The following DDB2 variants were observed in gnomAD, a reference collection of about 807,000 sequenced individuals.
The protein encoded by DDB2 is DNA damage-binding protein 2.
DDB2 carries 27 observed loss-of-function variants against 50.5 expected under a neutral mutation model. That is an observed-to-expected ratio of 0.53 (90% CI 0.39 to 0.74). DDB2 has a LOEUF of 0.74. Among genes scored for constraint, DDB2 ranks in the 30% least tolerant of loss-of-function variants. The pLI is 0.00. For synonymous variants in DDB2, 176 were observed against 205.5 expected, an observed-to-expected ratio of 0.86 and a Z score of 1.23; for missense variants, 424 against 545.6, an observed-to-expected ratio of 0.78 and a Z score of 2.22.
At chr11:47,231,185 A>C (rs1953644808) in intron 3 of DDB2, among the ~76,000 whole-genome samples, 1 of 151,804 alleles carries the variant, frequency 6.6e-6, no homozygotes, top group Admixed American at 6.6e-5. Context: ...CGCCTAGTAC[A>C]TAGTAAGCAC....
chr11:47,235,555 A>G lies in DDB2; in HGVS notation c.1023+143A>G. The G allele has an allele frequency of 3.8e-6, 3 of 797,478 alleles. No individual in the cohort carries two copies. In the South Asian group the frequency reaches 4.6e-5, roughly 12 times the overall value. The allele number at this position is 797,478 out of a possible 1,614,324, so 49.4% of individuals were successfully genotyped here. A position where few individuals can be genotyped will look rare whatever the true frequency, so the allele number is the denominator to read the frequency against. ...CCCGAGCACAGAGCATCTCTTACCC[A>G]TTGGCTCTCTCTCTTCCTTTTATCC... On this transcript the variant is annotated intron_variant, in intron 7 of 9. Transcript: ENST00000256996.
chr11:47,215,320 G>C (rs1003569897), intron 1 of DDB2, 57 bp downstream of exon 1: 1 of 1,611,004 alleles, frequency 6.2e-7, no homozygotes, highest in Non-Finnish European at 8.5e-7. Flanking sequence ...TCGCGCAGGA[G>C]GCTGCAGCGG....
At chr11:47,232,329 T>C (rs183716322) in intron 3 of DDB2, among the ~76,000 whole-genome samples, 49 of 145,318 alleles carry the variant, frequency 3.4e-4, no homozygotes, top group Non-Finnish European at 6.5e-4. Flanking sequence ...CTCAAAAACA[T>C]AAAAATAAAA....
At chr11:47,229,753 T>G (rs1224872116) in intron 3 of DDB2, 1 of 410,806 alleles carries the variant, frequency 2.4e-6, no homozygotes, top group Non-Finnish European at 4.7e-6. Context: ...TGCAGATTCC[T>G]TTTACATTTT....
At chr11:47,222,029 G>A (rs1187440307) in intron 3 of DDB2, among the ~76,000 whole-genome samples, 1 of 152,140 alleles carries the variant, frequency 6.6e-6, no homozygotes, top group African/African-American at 2.4e-5. Flanking sequence ...AATTCCATGA[G>A]TTTTGACATA....
In DDB2 at chr11:47,216,798, T is replaced by C. The variant is rs1373729005; in HGVS notation, c.265-60T>C. 3.3e-5 allele frequency: 51 copies of C among 1,550,842 alleles called. 2 individuals are homozygous for C. In the South Asian group the frequency reaches 4.5e-4, roughly 14 times the overall value. On this transcript the variant is annotated intron_variant, in intron 2 of 9. Transcript: ENST00000256996. The stretch of plus-strand genomic sequence containing the variant: ...GGCTCATCCATGAAGGAGGCAGAGA[T>C]TGGCAGTTTACCCAGAACTTGGGTT...
At chr11:47,225,086 TG>T (rs1953538017) in intron 3 of DDB2, among the ~76,000 whole-genome samples, 1 of 151,776 alleles carries the variant, frequency 6.6e-6, no homozygotes, top group African/African-American at 2.4e-5. Flanking sequence ...ATTACAAGTG[TG>T]CACCACCACG....
chr11:47,238,310 G>A, intron 9 of DDB2, 127 bp downstream of exon 9: 1 of 844,240 alleles, frequency 1.2e-6, no homozygotes, highest in East Asian at 2.6e-5. Flanking sequence ...GAAGATGGCT[G>A]GGAGACAGTG....
intron 3 of DDB2, among the ~76,000 whole-genome samples, chr11:47,230,832 A>C (rs1953636455): frequency 6.6e-6 from 1 of 152,204 alleles, no homozygotes; most frequent in Non-Finnish European, 1.5e-5. Context: ...TTCTTAAAAC[A>C]GTGCCTGACT....
At chr11:47,238,080 C>G in intron 8 of DDB2, 58 bp from the exon 9 acceptor site, 1 of 1,610,964 alleles carries the variant, frequency 6.2e-7, no homozygotes, top group Non-Finnish European at 8.5e-7. Flanking sequence ...GACCAGAAAT[C>G]AGGTGTCTCT....
At chr11:47,231,049 GGTGGA>G (rs1055377251) in intron 3 of DDB2, among the ~76,000 whole-genome samples, 15 of 149,374 alleles carry the variant, frequency 1.0e-4, no homozygotes, top group African/African-American at 3.7e-4. Flanking sequence ...GAATCCAGGA[GGTGGA>G]GGCTGCAGTG....
Position 47,233,011 on chromosome 11 carries a change from C to T in DDB2, c.602+52C>T, listed in dbSNP as rs116818583. On this transcript the variant is annotated intron_variant, in intron 4 of 9. Transcript: ENST00000256996. ...GGGCTTCTAAGCTTAGGTGTAGTTC[C>T]GGCAAGAGCATCCAGATCCCATTTC... 9.0e-5 allele frequency: 144 copies of T among 1,596,094 alleles called. No individual in the cohort carries two copies. The African/African-American group carries it at 1.7e-3, about 19-fold the overall frequency.
chr11:47,235,474 T>C (rs1953713231), intron 7 of DDB2, 62 bp downstream of exon 7: 1 of 1,560,838 alleles, frequency 6.4e-7, no homozygotes, highest in Non-Finnish European at 8.7e-7. Flanking sequence ...GGAGCAGGTC[T>C]GCCCACAGTG....
At position 47,215,207 on chromosome 11, in the gene DDB2, G is replaced by A; in HGVS notation, c.71G>A (p.Ser24Asn). ...GTATTACGCCCCAGGAACAAGAGGA[G>A]CAGGAGTCCCCTGGAGCTGGAGCCC... is the stretch of plus-strand genomic sequence containing the variant. ...EIVLRPRNKRSRSPLELEPEA... is the reference protein window; with the variant it reads ...EIVLRPRNKRNRSPLELEPEA... Residue 24 changes from serine (S) to asparagine (N), a missense_variant, in exon 1 of 10, where the codon AGC becomes AAC. Ser to Asn is a conservative substitution (Grantham distance 46, BLOSUM62 1). Coordinates refer to ENST00000256996, the MANE Select transcript of DDB2 (RefSeq NM_000107.3). 1 of 1,614,072 alleles carries A rather than the reference G, an allele frequency of 6.2e-7. No individual in the cohort carries two copies.
intron 9 of DDB2, among the ~76,000 whole-genome samples, chr11:47,238,562 C>T (rs777808727): frequency 6.6e-6 from 1 of 152,132 alleles, no homozygotes; most frequent in South Asian, 2.1e-4. Flanking sequence ...CCACGCCCAG[C>T]TAATTTTTTG....
rs141990819 is a variant in DDB2, at chr11:47,216,338, C to G, written c.130C>G (p.Pro44Ala). 6.2e-7 allele frequency: 1 copy of G among 1,614,106 alleles called. No homozygotes were observed. The highest frequency in any genetic ancestry group is 1.7e-5 in the Admixed American group (1 of 60,002). Residue 44 changes from proline to alanine, a missense_variant and splice_region_variant, in exon 2 of 10, where the codon CCT becomes GCT. By Grantham distance (27) the Pro-to-Ala change is conservative (BLOSUM62 -1). Transcript: ENST00000256996. ...AATATGTCTGTTCTGCTTGGCAGGT[C>G]CTAGCAGAAGATGTGACTCAGACTG... ...AKKLCAKGSG[P>A]SRRCDSDCLW...
chr11:47,216,249 G>T (rs769864556), intron 1 of DDB2, 87 bp from the exon 2 acceptor site: 1 of 1,599,920 alleles, frequency 6.3e-7, no homozygotes, highest in African/African-American at 1.3e-5. Context: ...TAACCGTGCC[G>T]AATGAAACAA....
chr11:47,228,970 A>AAG (rs1431514120), intron 3 of DDB2, among the ~76,000 whole-genome samples: 1 of 37,288 alleles, frequency 2.7e-5, no homozygotes, highest in Non-Finnish European at 1.0e-4. Flanking sequence ...AAAAAAAAAA[A>AAG]AAAGAAATAT....
At chr11:47,222,601 C>T (rs1316126761) in intron 3 of DDB2, among the ~76,000 whole-genome samples, 1 of 152,236 alleles carries the variant, frequency 6.6e-6, no homozygotes, top group Non-Finnish European at 1.5e-5. Context: ...CTGCCTTAGC[C>T]TCCCAAAGTG....
Sources: gnomAD v4.1 joint callset for allele counts (sites outside exome capture counted in the v4.1 genomes callset) on GRCh38, gnomAD v4.1.1 for gene constraint, MANE v1.5 for transcripts, NCBI Gene and HGNC (gene_info 2026-07-23, HGNC 2026-07-21) for gene names.